SSPN: variants seen among roughly 807,000 people sequenced by gnomAD.
The protein encoded by SSPN is K-ras oncogene-associated protein.
A neutral mutation model predicts 19.1 loss-of-function variants in SSPN; 15 were observed. The observed-to-expected ratio is 0.78, with a 90% CI of 0.52 to 1.21. The LOEUF (loss-of-function observed/expected upper bound fraction) is 1.21. Among genes scored for constraint, SSPN ranks in the 50% most tolerant of loss-of-function variants. The probability of loss-of-function intolerance (pLI) is 0.00; values close to 1 mark genes in which losing one functional copy is unlikely to be tolerated. For missense variants in SSPN, 291 were observed against 314.0 expected, an observed-to-expected ratio of 0.93 and a Z score of 0.55; for synonymous variants, 147 against 140.3, an observed-to-expected ratio of 1.05 and a Z score of -0.34.
chr12:26,166,764 A>G (rs1265396107), intron 1 of SSPN, among the ~76,000 whole-genome samples: 1 of 152,244 alleles, frequency 6.6e-6, no homozygotes, highest in Admixed American at 6.5e-5. Context: ...GACAGAGACC[A>G]TATAGCCTGC....
intron 2 of SSPN, among the ~76,000 whole-genome samples, chr12:26,224,758 C>T (rs1248062181): frequency 1.3e-5 from 2 of 151,066 alleles, no homozygotes; most frequent in East Asian, 3.9e-4. Flanking sequence ...AAGTGTATTT[C>T]CTCTTGTAGG....
At chr12:26,140,759 C>T (rs560063011) in intron 1 of SSPN, among the ~76,000 whole-genome samples, 1 of 152,334 alleles carries the variant, frequency 6.6e-6, no homozygotes, top group South Asian at 2.1e-4. Context: ...CCTCCCCAGC[C>T]ATGCTGCTTG....
intron 1 of SSPN, among the ~76,000 whole-genome samples, chr12:26,185,292 C>T (rs7979429): frequency 0.19 from 28,871 of 152,078 alleles, 4,432 homozygotes; most frequent in African/African-American, 0.42. Context: ...GGTTCCTGCC[C>T]GTGAGGAGCA....
intron 1 of SSPN, among the ~76,000 whole-genome samples, chr12:26,212,465 C>T (rs1047529069): frequency 2.6e-5 from 4 of 152,048 alleles, no homozygotes; most frequent in Admixed American, 2.6e-4. Flanking sequence ...AAAATAATCT[C>T]GCATGTCATC....
intron 1 of SSPN, among the ~76,000 whole-genome samples, chr12:26,189,525 TC>T: frequency 6.6e-6 from 1 of 152,186 alleles, no homozygotes; most frequent in Non-Finnish European, 1.5e-5. Flanking sequence ...TGATCAAATG[TC>T]CCCTCCTTCA....
At chr12:26,205,050 C>T (rs1156242828) in intron 1 of SSPN, among the ~76,000 whole-genome samples, 2 of 152,130 alleles carry the variant, frequency 1.3e-5, no homozygotes, top group African/African-American at 4.8e-5. Context: ...GGCAAAAGTC[C>T]AGTAAGTGAC....
At chr12:26,145,492 CAGT>C (rs1944484681) in intron 1 of SSPN, among the ~76,000 whole-genome samples, 1 of 152,186 alleles carries the variant, frequency 6.6e-6, no homozygotes, top group Non-Finnish European at 1.5e-5. Flanking sequence ...GCAGACAACA[CAGT>C]GGTGTCCGCT....
chr12:26,147,749 T>G (rs1944501539), intron 1 of SSPN, among the ~76,000 whole-genome samples: 1 of 152,176 alleles, frequency 6.6e-6, no homozygotes, highest in Non-Finnish European at 1.5e-5. Flanking sequence ...AGTGCTTGCT[T>G]TTCAATTATC....
intron 1 of SSPN, among the ~76,000 whole-genome samples, chr12:26,155,185 GC>G (rs1269379165): frequency 6.6e-5 from 10 of 152,186 alleles, no homozygotes; most frequent in African/African-American, 2.4e-4. Context: ...ATACAGAAAG[GC>G]CATTGGGTAA....
intron 1 of SSPN, among the ~76,000 whole-genome samples, chr12:26,129,094 T>C (rs1565667465): frequency 6.6e-6 from 1 of 152,172 alleles, no homozygotes. Flanking sequence ...GAGAATTAAC[T>C]CCAGGGTGTT....
intron 1 of SSPN, among the ~76,000 whole-genome samples, chr12:26,165,331 C>T (rs1165551719): frequency 1.3e-5 from 2 of 152,208 alleles, no homozygotes; most frequent in African/African-American, 4.8e-5. Flanking sequence ...GCCATCAGAA[C>T]TTCTGGTAAA....
upstream of SSPN, among the ~76,000 whole-genome samples, chr12:26,191,806 C>T (rs540622551): frequency 2.6e-5 from 4 of 152,242 alleles, no homozygotes; most frequent in African/African-American, 7.2e-5. Flanking sequence ...TCCTGCATAT[C>T]ACAAATGAAT....
At chr12:26,179,627 C>T (rs147543279) in intron 1 of SSPN, among the ~76,000 whole-genome samples, 86 of 152,312 alleles carry the variant, frequency 5.6e-4, no homozygotes, top group African/African-American at 2.0e-3. Flanking sequence ...CAACTGCACC[C>T]CATACAGCCT....
intron 1 of SSPN, among the ~76,000 whole-genome samples, chr12:26,144,060 T>C (rs142205954): frequency 0.039 from 5,931 of 152,282 alleles, 152 homozygotes; most frequent in South Asian, 0.069. Context: ...CATTCTATAT[T>C]ACAATGTAAT....
intron 1 of SSPN, among the ~76,000 whole-genome samples, chr12:26,134,329 G>A (rs1457896418): frequency 6.6e-6 from 1 of 152,110 alleles, no homozygotes; most frequent in Non-Finnish European, 1.5e-5. Context: ...AAACATCACT[G>A]TCTCCAAGAA....
intron 1 of SSPN, among the ~76,000 whole-genome samples, chr12:26,163,542 C>G (rs886659199): frequency 6.6e-6 from 1 of 152,140 alleles, no homozygotes; most frequent in African/African-American, 2.4e-5. Flanking sequence ...CTTGCTGTGT[C>G]GTCACATGGC....
Position 26,230,998 on chromosome 12 carries a change from A to G in SSPN, c.654A>G (p.Lys218=), listed in dbSNP as rs1418337140. ...TGTTGGCCTGCTTTGTGATGTGGAAACATAGGTACCAGGTCTTCTATGTGG... is the reference window on the plus strand; with the variant it reads ...TGTTGGCCTGCTTTGTGATGTGGAAGCATAGGTACCAGGTCTTCTATGTGG... ...VCLLACFVMW[K]HRYQVFYVGV... Residue 218 remains lysine, a synonymous_variant, in exon 3 of 3, where the codon AAA becomes AAG. Coordinates refer to ENST00000242729, the MANE Select transcript of SSPN (RefSeq NM_005086.5). 6.2e-7 allele frequency: 1 copy of G among 1,614,096 alleles called. No individual in the cohort carries two copies. Among genetic ancestry groups the G allele is most frequent in the Non-Finnish European group, 8.5e-7 (1 of 1,180,048 alleles).
At chr12:26,168,950 T>C (rs1944637387) in intron 1 of SSPN, among the ~76,000 whole-genome samples, 1 of 152,054 alleles carries the variant, frequency 6.6e-6, no homozygotes. Flanking sequence ...AATGTGGTAC[T>C]ATTAATAAGA....
chr12:26,122,819 G>C lies in SSPN; in HGVS notation c.-31+667G>C, dbSNP rs544974279. 3.8e-6 allele frequency: 6 copies of C among 1,588,792 alleles called. No homozygotes were observed. In the African/African-American group the frequency reaches 5.4e-5, roughly 14 times the overall value. On this transcript the variant is annotated intron_variant, in intron 1 of 2. Transcript: ENST00000538142. Reference sequence around the variant, plus strand: ...CGCTGTCGGTGTCCGTGTCGTTCTCGGCGGCGAGCTCGGCGCTGGGCTGAG... The same window carrying C: ...CGCTGTCGGTGTCCGTGTCGTTCTCCGCGGCGAGCTCGGCGCTGGGCTGAG...
Sources: allele counts gnomAD v4.1 joint callset (sites outside exome capture counted in the v4.1 genomes callset), GRCh38; gene constraint gnomAD v4.1.1; transcripts MANE v1.5; gene names NCBI Gene and HGNC (gene_info 2026-07-23, HGNC 2026-07-21).